The following TMPRSS12 variants were observed in gnomAD, a reference collection of about 807,000 sequenced individuals.
TMPRSS12 encodes transmembrane serine protease 12, also known as transmembrane protease serine 12.
TMPRSS12 carries 25 observed loss-of-function variants against 26.0 expected under a neutral mutation model. The observed-to-expected ratio is 0.96, with a 90% CI of 0.70 to 1.34. The LOEUF (loss-of-function observed/expected upper bound fraction) is 1.34. Among genes scored for constraint, TMPRSS12 ranks in the 40% most tolerant of loss-of-function variants. The pLI is 0.00. For missense variants in TMPRSS12, 441 were observed against 440.1 expected (o/e 1.00, Z -0.02); for synonymous variants, 150 against 161.7 (o/e 0.93, Z 0.55).
chr12:50,850,574 T>G (rs1415728209), intron 2 of TMPRSS12, among the ~76,000 whole-genome samples: 1 of 152,118 alleles, frequency 6.6e-6, no homozygotes, highest in Non-Finnish European at 1.5e-5. Context: ...AGCAAAACCC[T>G]GTCTAAAAAA....
intron 2 of TMPRSS12, 73 bp downstream of exon 2, chr12:50,844,110 C>T (rs1937745691): frequency 2.3e-6 from 3 of 1,317,572 alleles, no homozygotes; most frequent in Non-Finnish European, 3.0e-6. Flanking sequence ...CATTTAACTT[C>T]AGCCATTTTC....
chr12:50,862,102 C>T (rs548321696), intron 3 of TMPRSS12, among the ~76,000 whole-genome samples: 7 of 152,300 alleles, frequency 4.6e-5, no homozygotes, highest in African/African-American at 1.4e-4. Flanking sequence ...GCCAGGTGCA[C>T]CCGGCCTAAT....
At chr12:50,859,816 G>A (rs1937918129) in intron 3 of TMPRSS12, among the ~76,000 whole-genome samples, 1 of 152,172 alleles carries the variant, frequency 6.6e-6, no homozygotes, top group Non-Finnish European at 1.5e-5. Flanking sequence ...GTTTATGTAA[G>A]TGCACTCTTA....
intron 2 of TMPRSS12, chr12:50,848,095 A>G (rs1225073019): frequency 1.3e-5 from 2 of 150,658 alleles, no homozygotes; most frequent in Non-Finnish European, 2.9e-5. Context: ...TGATAACTTT[A>G]TGTTTTAAGT....
At chr12:50,870,632 C>T (rs1280614674) in intron 3 of TMPRSS12, among the ~76,000 whole-genome samples, 1 of 152,044 alleles carries the variant, frequency 6.6e-6, no homozygotes, top group Middle Eastern at 3.2e-3. Context: ...AAATAAAGGG[C>T]ATCCAAATCA....
At chr12:50,861,280 G>A (rs926728378) in intron 3 of TMPRSS12, among the ~76,000 whole-genome samples, 4 of 152,104 alleles carry the variant, frequency 2.6e-5, no homozygotes, top group African/African-American at 9.7e-5. Context: ...TAAGTACTAA[G>A]ACTTCTTTTT....
intron 3 of TMPRSS12, among the ~76,000 whole-genome samples, chr12:50,872,096 T>C (rs1938048883): frequency 6.6e-6 from 1 of 152,136 alleles, no homozygotes; most frequent in Non-Finnish European, 1.5e-5. Flanking sequence ...ACTGGGTATC[T>C]ACCCAGAAGA....
chr12:50,884,590 G>A (rs1938204951), intron 3 of TMPRSS12, among the ~76,000 whole-genome samples: 1 of 152,126 alleles, frequency 6.6e-6, no homozygotes, highest in African/African-American at 2.4e-5. Flanking sequence ...AGGCACATCT[G>A]GCCAGGCATG....
intron 3 of TMPRSS12, among the ~76,000 whole-genome samples, chr12:50,879,657 G>T (rs187599017): frequency 5.3e-5 from 8 of 152,270 alleles, no homozygotes; most frequent in African/African-American, 1.7e-4. Flanking sequence ...TATCATTAAC[G>T]AGAATTTTTA....
At position 50,852,964 on chromosome 12, in the gene TMPRSS12, G is replaced by A. The variant is rs569865392; in HGVS notation, c.384-5821G>A. Among the ~76,000 whole-genome samples, 239 of 152,186 alleles carry A rather than the reference G, an allele frequency of 1.6e-3. 1 individual carries two copies. Among genetic ancestry groups the A allele is most frequent in the African/African-American group, 5.3e-3 (221 of 41,522 alleles). On this transcript the variant is annotated intron_variant, in intron 2 of 4. Transcript: ENST00000398458. ...AAGATATTTGAGATCTAAACTTGAC[G>A]CTTGACAAAATGGACCTAATAGCTA... is the stretch of plus-strand genomic sequence containing the variant.
intron 3 of TMPRSS12, among the ~76,000 whole-genome samples, chr12:50,878,625 CACA>C (rs1434467760): frequency 1.3e-5 from 2 of 151,908 alleles, no homozygotes; most frequent in Non-Finnish European, 2.9e-5. Context: ...ATTAATGGAA[CACA>C]ACATGGAGGG....
intron 3 of TMPRSS12, among the ~76,000 whole-genome samples, chr12:50,874,786 C>A (rs919863256): frequency 4.6e-5 from 7 of 151,798 alleles, no homozygotes; most frequent in Non-Finnish European, 8.8e-5. Context: ...AGTTGAGAGC[C>A]AAATCAAGAA....
chr12:50,853,572 C>G (rs952166325), intron 2 of TMPRSS12, among the ~76,000 whole-genome samples: 2 of 88,810 alleles, frequency 2.3e-5, no homozygotes, highest in African/African-American at 8.6e-5. Flanking sequence ...AGACCACTAG[C>G]TAGACTAACA....
intron 3 of TMPRSS12, among the ~76,000 whole-genome samples, chr12:50,874,463 G>T (rs896267338): frequency 1.3e-5 from 2 of 152,022 alleles, no homozygotes; most frequent in Admixed American, 1.3e-4. Context: ...AGATAAAAAT[G>T]ACAAGATCAC....
rs1473827584 is a variant in TMPRSS12, at chr12:50,887,253, T to C, written c.796-9T>C. The C allele has an allele frequency of 6.2e-7, 1 of 1,610,866 alleles. No individual in the cohort carries two copies. The highest frequency in any genetic ancestry group is 2.2e-5 in the East Asian group (1 of 44,834). The stretch of plus-strand genomic sequence containing the variant: ...AGTAACAAACACTATTTTGGGACTT[T>C]TTTGACAGGGTGACAGTGGGGGACC... On this transcript the variant is annotated splice_polypyrimidine_tract_variant and intron_variant, in intron 4 of 4. Coordinates refer to ENST00000398458, the MANE Select transcript of TMPRSS12 (RefSeq NM_182559.3).
In TMPRSS12 at chr12:50,885,245, G is replaced by T. The variant is rs1158861197; in HGVS notation, c.653-1G>T. ...AACTTACTGGTATTTTTTGTTAACA[G>T]GTAACGCTACAAATATTTTACAAGA... On this transcript the variant is annotated splice_acceptor_variant, in intron 3 of 4. Coordinates refer to ENST00000398458, the MANE Select transcript of TMPRSS12 (RefSeq NM_182559.3). LOFTEE classifies it high-confidence loss of function. The T allele has an allele frequency of 3.8e-6, 6 of 1,586,086 alleles. No homozygotes were observed. Among genetic ancestry groups the T allele is most frequent in the Non-Finnish European group, 5.1e-6 (6 of 1,167,510 alleles).
At chr12:50,846,357 C>T (rs1032875557) in intron 2 of TMPRSS12, among the ~76,000 whole-genome samples, 1 of 152,130 alleles carries the variant, frequency 6.6e-6, no homozygotes, top group Non-Finnish European at 1.5e-5. Flanking sequence ...GTTTTACGTG[C>T]AGCTATCAAG....
At chr12:50,861,972 G>T (rs918465831) in intron 3 of TMPRSS12, among the ~76,000 whole-genome samples, 1 of 152,090 alleles carries the variant, frequency 6.6e-6, no homozygotes, top group Non-Finnish European at 1.5e-5. Context: ...ACCACACTCG[G>T]CTAATTTTTT....
intron 3 of TMPRSS12, among the ~76,000 whole-genome samples, chr12:50,866,409 A>G (rs994805650): frequency 2.6e-5 from 4 of 151,976 alleles, no homozygotes; most frequent in Non-Finnish European, 5.9e-5. Context: ...GGCAGCCATA[A>G]TCACTTGGTA....
Sources: allele counts gnomAD v4.1 joint callset (sites outside exome capture counted in the v4.1 genomes callset), GRCh38; gene constraint gnomAD v4.1.1; transcripts MANE v1.5; gene names NCBI Gene and HGNC (gene_info 2026-07-23, HGNC 2026-07-21).